The following COL25A1 variants were observed in gnomAD, a reference collection of about 807,000 sequenced individuals.
The protein encoded by COL25A1 is collagen type XXV alpha 1 chain.
Under a neutral mutation model 128.4 loss-of-function variants are expected in COL25A1, and 103 were observed. That is an observed-to-expected ratio of 0.80 (90% CI 0.68 to 0.94). COL25A1 has a LOEUF of 0.94. Among genes scored for constraint, COL25A1 ranks in the 40% least tolerant of loss-of-function variants. The pLI, the probability that COL25A1 is intolerant of heterozygous loss-of-function variation, is 0.00. For synonymous variants in COL25A1, 279 were observed against 277.2 expected, an observed-to-expected ratio of 1.01 and a Z score of -0.06; for missense variants, 745 against 840.0, an observed-to-expected ratio of 0.89 and a Z score of 1.40.
chr4:108,910,784 C>G (rs1200332660), intron 13 of COL25A1, among the ~76,000 whole-genome samples: 1 of 152,188 alleles, frequency 6.6e-6, no homozygotes, highest in Non-Finnish European at 1.5e-5. Context: ...ACTGAATGAG[C>G]TAAGATGCCT....
At chr4:109,294,568 C>T (rs1206654584) in intron 3 of COL25A1, among the ~76,000 whole-genome samples, 1 of 152,074 alleles carries the variant, frequency 6.6e-6, no homozygotes, top group Non-Finnish European at 1.5e-5. Context: ...TAAACCACCA[C>T]ATGGAACTTC....
At chr4:109,172,229 C>T (rs993649028) in intron 3 of COL25A1, among the ~76,000 whole-genome samples, 8 of 151,998 alleles carry the variant, frequency 5.3e-5, no homozygotes, top group African/African-American at 1.7e-4. Context: ...ATGGGGATAA[C>T]AAAAATAAAT....
intron 5 of COL25A1, among the ~76,000 whole-genome samples, chr4:109,013,619 C>A (rs1159632125): frequency 6.6e-6 from 1 of 152,114 alleles, no homozygotes; most frequent in Non-Finnish European, 1.5e-5. Context: ...GCCAGCGAGA[C>A]CACAAACCCA....
At chr4:109,023,691 T>C (rs1560557957) in intron 5 of COL25A1, among the ~76,000 whole-genome samples, 1 of 152,316 alleles carries the variant, frequency 6.6e-6, no homozygotes, top group East Asian at 1.9e-4. Context: ...TTTTGGAAAT[T>C]ACAGAAATGG....
intron 3 of COL25A1, among the ~76,000 whole-genome samples, chr4:109,100,605 A>G (rs1316661445): frequency 3.9e-5 from 6 of 152,188 alleles, no homozygotes; most frequent in African/African-American, 1.4e-4. Context: ...TTTTGGCCAC[A>G]AAAGTTACAC....
chr4:109,087,935 C>G (rs1358792843), intron 3 of COL25A1, among the ~76,000 whole-genome samples: 2 of 151,892 alleles, frequency 1.3e-5, no homozygotes, highest in Non-Finnish European at 2.9e-5. Flanking sequence ...AAACAACACA[C>G]AACTTGACTG....
At chr4:108,954,225 G>A (rs1157649990) in intron 8 of COL25A1, among the ~76,000 whole-genome samples, 4 of 151,992 alleles carry the variant, frequency 2.6e-5, no homozygotes, top group East Asian at 3.8e-4. Context: ...CCTGACTTCT[G>A]TGAAATTAAA....
At chr4:108,991,222 GAA>G (rs1754197909) in intron 6 of COL25A1, among the ~76,000 whole-genome samples, 11 of 152,070 alleles carry the variant, frequency 7.2e-5, no homozygotes, top group Admixed American at 7.2e-4. Context: ...GAATTGAGAG[GAA>G]TATATTAGAA....
At chr4:109,097,148 T>C (rs1221446833) in intron 3 of COL25A1, among the ~76,000 whole-genome samples, 3 of 152,208 alleles carry the variant, frequency 2.0e-5, no homozygotes, top group Non-Finnish European at 2.9e-5. Flanking sequence ...GTTTAGTATC[T>C]ATCTGCTTCT....
At chr4:108,868,880 A>G (rs1355060890) in intron 20 of COL25A1, among the ~76,000 whole-genome samples, 1 of 148,212 alleles carries the variant, frequency 6.7e-6, no homozygotes, top group Non-Finnish European at 1.5e-5. Flanking sequence ...GAGAGAGAGA[A>G]AGAAGAAAGA....
chr4:108,932,068 T>TG (rs1746819382), intron 11 of COL25A1, among the ~76,000 whole-genome samples: 1 of 152,168 alleles, frequency 6.6e-6, no homozygotes, highest in Admixed American at 6.6e-5. Context: ...TTTGAAGGTT[T>TG]GGGGGTCTTG....
chr4:109,285,539 A>G (rs535197462), intron 3 of COL25A1, among the ~76,000 whole-genome samples: 4 of 152,190 alleles, frequency 2.6e-5, no homozygotes, highest in Non-Finnish European at 5.9e-5. Flanking sequence ...CTTGGAGACA[A>G]CATTATGACG....
At chr4:109,134,945 G>A (rs1237736808) in intron 3 of COL25A1, among the ~76,000 whole-genome samples, 1 of 149,884 alleles carries the variant, frequency 6.7e-6, no homozygotes, top group Non-Finnish European at 1.5e-5. Context: ...AGAACCTGGA[G>A]AGTCCTCCTG....
At chr4:108,882,668 A>C (rs913608131) in intron 19 of COL25A1, among the ~76,000 whole-genome samples, 2 of 152,174 alleles carry the variant, frequency 1.3e-5, no homozygotes, top group Non-Finnish European at 2.9e-5. Flanking sequence ...ATTTTTGCTA[A>C]ATATCAAATG....
At chr4:108,818,863 T>A (rs1401658984) in intron 36 of COL25A1, among the ~76,000 whole-genome samples, 1 of 150,378 alleles carries the variant, frequency 6.6e-6, no homozygotes, top group Non-Finnish European at 1.5e-5. Flanking sequence ...AAATACCTTT[T>A]TTTTTTTTTA....
chr4:108,817,388 A>T lies in COL25A1; in HGVS notation c.1962+9T>A, dbSNP rs1421117673. The T allele has an allele frequency of 6.2e-7, 1 of 1,612,910 alleles. No homozygotes were observed. Among genetic ancestry groups the T allele is most frequent in the Non-Finnish European group, 8.5e-7 (1 of 1,179,142 alleles). ...TGCTTCTTTTGAGAAATTATTCAGTAAAGCCTACCTTTTGCCAACAGCCAG... is the reference window on the plus strand; with the variant it reads ...TGCTTCTTTTGAGAAATTATTCAGTTAAGCCTACCTTTTGCCAACAGCCAG... On this transcript the variant is annotated intron_variant, in intron 37 of 37. Coordinates refer to ENST00000399132, the MANE Select transcript of COL25A1 (RefSeq NM_198721.4).
chr4:108,838,032 G>C (rs1734007454), intron 31 of COL25A1: 1 of 1,110,246 alleles, frequency 9.0e-7, no homozygotes, highest in Non-Finnish European at 1.3e-6. Flanking sequence ...GTAAACCAGA[G>C]TTATCATGTA....
chr4:108,941,402 A>G lies in COL25A1; in HGVS notation c.528T>C (p.Ser176=), dbSNP rs766745930. ...VFPKINHGFL[S]ADQQLIKRRL... ...GGCGTTTAATGAGCTGCTGATCAGC[A>G]GAGAGAAACCCATGATTGATTTTAG... The change falls in exon 9 of 38, where the codon TCT becomes TCC. Residue 176 remains serine, a synonymous_variant. Transcript: ENST00000399132. 1.2e-5 allele frequency: 19 copies of G among 1,614,018 alleles called. No individual in the cohort carries two copies. The African/African-American group carries it at 2.5e-4, about 22-fold the overall frequency.
chr4:108,940,624 G>A lies in COL25A1; in HGVS notation c.587C>T (p.Pro196Leu), dbSNP rs768623568. Reference protein sequence around the residue: ...LIKGDQGQAGPPGPPGPPGPR... With the variant: ...LIKGDQGQAGLPGPPGPPGPR... ...GCCTGGAGGGCCAGGGGGTCCTGGAGGCCCTGCCTGTCCTTGGTCACCCTG... is the reference window on the plus strand; with the variant it reads ...GCCTGGAGGGCCAGGGGGTCCTGGAAGCCCTGCCTGTCCTTGGTCACCCTG... Residue 196 changes from proline (P) to leucine (L), a missense_variant, in exon 10 of 38, where the codon CCT becomes CTT. Physicochemically the swap from Pro to Leu is moderately conservative, Grantham distance 98. Transcript: ENST00000399132. 1.1e-5 allele frequency: 18 copies of A among 1,602,724 alleles called. No homozygotes were observed. The highest frequency in any genetic ancestry group is 1.5e-5 in the Non-Finnish European group (18 of 1,174,978).
Sources: gnomAD v4.1 joint callset for allele counts (sites outside exome capture counted in the v4.1 genomes callset) on GRCh38, gnomAD v4.1.1 for gene constraint, MANE v1.5 for transcripts, NCBI Gene and HGNC (gene_info 2026-07-23, HGNC 2026-07-21) for gene names.